NELL1: variants seen among roughly 807,000 people sequenced by gnomAD.
The protein encoded by NELL1 is protein kinase C-binding protein NELL1.
NELL1 carries 76 observed loss-of-function variants against 107.4 expected under a neutral mutation model. That is an observed-to-expected ratio of 0.71 (90% confidence interval 0.59 to 0.86). The LOEUF is 0.86. NELL1 is among the 40% of genes least tolerant of loss of function. The pLI, the probability that NELL1 is intolerant of heterozygous loss-of-function variation, is 0.00. For missense variants in NELL1, 1,024 were observed against 1,005.5 expected (o/e 1.02, Z -0.25); for synonymous variants, 353 against 341.2 (o/e 1.03, Z -0.38).
chr11:20,947,414 C>T lies in NELL1; in HGVS notation c.1150C>T (p.Gln384Ter). 6.2e-7 allele frequency: 1 copy of T among 1,613,944 alleles called. No individual in the cohort carries two copies. Among genetic ancestry groups the T allele is most frequent in the Non-Finnish European group, 8.5e-7 (1 of 1,179,896 alleles). Reference protein sequence around the residue: ...SEKDHILPENQCCRVCRGHNF... With the variant: ...SEKDHILPEN ...AAAGGATCACATTCTTCCTGAGAAT[C>T]AGTGCTGCCGTGTCTGTAGAGGTAA... is the stretch of plus-strand genomic sequence containing the variant. The change falls in exon 11 of 20, where the codon CAG becomes TAG. Residue 384 changes from glutamine to a stop codon, truncating the protein, a stop_gained. Transcript: ENST00000357134. LOFTEE classifies it high-confidence loss of function.
At chr11:20,893,230 G>A (rs2134118638) in intron 5 of NELL1, among the ~76,000 whole-genome samples, 1 of 152,040 alleles carries the variant, frequency 6.6e-6, no homozygotes, top group Admixed American at 6.6e-5. Context: ...GATACAGAGA[G>A]GGGAACAACA....
intron 10 of NELL1, among the ~76,000 whole-genome samples, chr11:20,943,800 C>G (rs1850907283): frequency 1.3e-5 from 2 of 152,106 alleles, no homozygotes; most frequent in Non-Finnish European, 2.9e-5. Context: ...GTTAGACTGA[C>G]TTGGAAATAA....
At chr11:21,408,129 G>C (rs1852279454) in intron 15 of NELL1, among the ~76,000 whole-genome samples, 1 of 151,914 alleles carries the variant, frequency 6.6e-6, no homozygotes, top group South Asian at 2.1e-4. Flanking sequence ...TCTTTCTTGA[G>C]ATCCCAGGTA....
In NELL1 at chr11:21,489,404, A is replaced by AAAAC. The variant is rs1554922053; in HGVS notation, c.1646-44967_1646-44966insCAAA. Among the ~76,000 whole-genome samples, 1,362 of 137,238 alleles carry AAAAC rather than the reference A, an allele frequency of 9.9e-3. 55 individuals are homozygous for AAAAC. The highest frequency in any genetic ancestry group is 0.055 in the East Asian group (216 of 3,912). The allele number at this position is 137,238 out of a possible 152,430, so 90.0% of individuals were successfully genotyped here. A position where few individuals can be genotyped will look rare whatever the true frequency, so the allele number is the denominator to read the frequency against. On this transcript the variant is annotated intron_variant, in intron 15 of 19. Coordinates refer to ENST00000357134, the MANE Select transcript of NELL1 (RefSeq NM_006157.5). ...TCAAAAAAAAAAAAAAAAAAAAAAAAAAAACAGAAGAAAAGGGAACTCTCC... is the reference window on the plus strand; with the variant it reads ...TCAAAAAAAAAAAAAAAAAAAAAAAAAAACAAAACAGAAGAAAAGGGAACTCTCC...
chr11:21,537,486 G>A (rs1856167723), intron 16 of NELL1, among the ~76,000 whole-genome samples: 2 of 152,228 alleles, frequency 1.3e-5, no homozygotes, highest in South Asian at 4.1e-4. Flanking sequence ...TGGCTGCCAT[G>A]TTATTAGGTC....
intron 13 of NELL1, among the ~76,000 whole-genome samples, chr11:21,204,964 CG>C (rs1360379497): frequency 1.3e-5 from 2 of 152,122 alleles, no homozygotes; most frequent in Admixed American, 6.5e-5. Context: ...AAGATTGCTG[CG>C]TGTTCCTTCC....
intron 14 of NELL1, among the ~76,000 whole-genome samples, chr11:21,266,619 A>G (rs888099162): frequency 6.6e-6 from 1 of 151,880 alleles, no homozygotes; most frequent in Non-Finnish European, 1.5e-5. Flanking sequence ...CATTCCAGCT[A>G]ATTATCTTGT....
At chr11:20,941,032 G>A (rs768153618) in intron 10 of NELL1, among the ~76,000 whole-genome samples, 15 of 152,058 alleles carry the variant, frequency 9.9e-5, no homozygotes, top group African/African-American at 1.4e-4. Flanking sequence ...CCAGCTACTC[G>A]GGAGGCAGAG....
chr11:21,173,231 C>T (rs746842738), intron 13 of NELL1, among the ~76,000 whole-genome samples: 24 of 151,724 alleles, frequency 1.6e-4, no homozygotes, highest in African/African-American at 3.9e-4. Context: ...AGTTACGTGA[C>T]GGTAGGAGGC....
chr11:21,487,768 A>G (rs1854676014), intron 15 of NELL1, among the ~76,000 whole-genome samples: 1 of 152,190 alleles, frequency 6.6e-6, no homozygotes, highest in South Asian at 2.1e-4. Context: ...ATCCAACTAT[A>G]TGCTACCTAT....
intron 3 of NELL1, among the ~76,000 whole-genome samples, chr11:20,814,872 G>T (rs1042678977): frequency 6.6e-6 from 1 of 152,108 alleles, no homozygotes; most frequent in Non-Finnish European, 1.5e-5. Flanking sequence ...TTGAGAAATC[G>T]CCAAACTGCT....
intron 15 of NELL1, among the ~76,000 whole-genome samples, chr11:21,527,433 G>A (rs1855882946): frequency 6.6e-6 from 1 of 152,068 alleles, no homozygotes; most frequent in African/African-American, 2.4e-5. Flanking sequence ...ACATCTGCCT[G>A]TTACCCAGTT....
At chr11:21,215,282 G>T (rs910977081) in intron 13 of NELL1, among the ~76,000 whole-genome samples, 2 of 152,160 alleles carry the variant, frequency 1.3e-5, no homozygotes, top group Non-Finnish European at 2.9e-5. Flanking sequence ...CTTCTGCCAT[G>T]ATTATAAGTT....
At chr11:21,184,773 T>C (rs902457258) in intron 13 of NELL1, among the ~76,000 whole-genome samples, 2 of 151,912 alleles carry the variant, frequency 1.3e-5, no homozygotes, top group African/African-American at 2.4e-5. Context: ...TGAAATCGTG[T>C]TTTCTAGAAA....
At chr11:20,873,610 G>T (rs146227310) in intron 4 of NELL1, among the ~76,000 whole-genome samples, 1 of 152,070 alleles carries the variant, frequency 6.6e-6, no homozygotes, top group Admixed American at 6.6e-5. Flanking sequence ...AAAGGTTTAC[G>T]GATGAAGAAA....
intron 12 of NELL1, among the ~76,000 whole-genome samples, chr11:21,032,086 G>T (rs553339515): frequency 1.4e-5 from 2 of 141,848 alleles, no homozygotes; most frequent in Non-Finnish European, 3.1e-5. Context: ...TAATAATAAT[G>T]ATAAAATAAA....
chr11:20,784,831 T>C (rs541393776), intron 3 of NELL1, among the ~76,000 whole-genome samples: 3 of 152,306 alleles, frequency 2.0e-5, no homozygotes, highest in South Asian at 4.1e-4. Context: ...CTTCTAAGCA[T>C]GTATGGTGGA....
At chr11:20,798,861 G>T (rs968324621) in intron 3 of NELL1, among the ~76,000 whole-genome samples, 1 of 152,190 alleles carries the variant, frequency 6.6e-6, no homozygotes. Flanking sequence ...ATACTAATCT[G>T]CTTTGGACAC....
chr11:20,742,004 G>T (rs1855901496), intron 2 of NELL1, among the ~76,000 whole-genome samples: 1 of 152,214 alleles, frequency 6.6e-6, no homozygotes, highest in Admixed American at 6.5e-5. Context: ...CACTGATGCT[G>T]CAGGTCTATG....
Sources: allele counts gnomAD v4.1 joint callset (sites outside exome capture counted in the v4.1 genomes callset), GRCh38; gene constraint gnomAD v4.1.1; transcripts MANE v1.5; gene names NCBI Gene and HGNC (gene_info 2026-07-23, HGNC 2026-07-21).